Variants in SV2B observed in about 807,000 individuals in gnomAD.
SV2B encodes the protein synaptic vesicle glycoprotein 2B, also known as solute carrier family 22 member B2.
SV2B carries 41 observed loss-of-function variants against 73.9 expected under a neutral mutation model. The ratio of observed to expected loss-of-function variants is 0.56; its 90% CI spans 0.43 to 0.72. SV2B has a LOEUF of 0.72. Ranked by LOEUF, SV2B falls within the 30% of genes least tolerant of loss-of-function variation. The pLI is 0.00. For missense variants in SV2B, 764 were observed against 857.8 expected (o/e 0.89, Z 1.37); for synonymous variants, 314 against 314.2 (o/e 1.00, Z 0.01).
intron 1 of SV2B, among the ~76,000 whole-genome samples, chr15:91,165,909 C>T (rs1460846039): frequency 6.6e-6 from 1 of 152,168 alleles, no homozygotes. Context: ...CTGCTGAAAA[C>T]AAATTCTCTT....
chr15:91,232,405 A>G lies in SV2B; in HGVS notation c.451+5691A>G, dbSNP rs2046612286. On this transcript the variant is annotated intron_variant, in intron 2 of 12. Transcript: ENST00000394232. The surrounding 1 kb of genome is among the most constrained non-coding windows in gnomAD (Gnocchi z 4.7). The stretch of plus-strand genomic sequence containing the variant: ...AATGAAGGGCTCCCTTAGCAGACGT[A>G]CACGGATTGCTGTGTTTAGGAGTGT... Among the ~76,000 whole-genome samples, 1 of 152,234 alleles carries G rather than the reference A, an allele frequency of 6.6e-6. No homozygotes were observed.
Position 91,296,827 on chromosome 15 carries a change from T to TCACACTCCTTCTGCCCGATCTTGGGCG in SV2B, c.*4278_*4279insACTCCTTCTGCCCGATCTTGGGCGCAC, listed in dbSNP as rs2049257704. The TCACACTCCTTCTGCCCGATCTTGGGCG allele has an allele frequency of 1.8e-5, 2 of 110,914 alleles. No individual in the cohort carries two copies. Among genetic ancestry groups the TCACACTCCTTCTGCCCGATCTTGGGCG allele is most frequent in the African/African-American group, 7.5e-5 (2 of 26,820 alleles). 6.9% of individuals were successfully genotyped at this position (110,914 alleles called of 1,614,324 possible). ...CGCTCCTTCTGCCCGATCGCTGGGCTCACGCTCCTTCTGCCCGATCTTGGG... is the reference window on the plus strand; with the variant it reads ...CGCTCCTTCTGCCCGATCGCTGGGCTCACACTCCTTCTGCCCGATCTTGGGCGCACGCTCCTTCTGCCCGATCTTGGG... On this transcript the variant is annotated 3_prime_UTR_variant, in exon 13 of 13. Transcript: ENST00000394232.
intron 1 of SV2B, among the ~76,000 whole-genome samples, chr15:91,211,417 G>A (rs2045855138): frequency 6.6e-6 from 1 of 151,902 alleles, no homozygotes. Flanking sequence ...TTGGCTTAGT[G>A]GCTTAAACTC....
intron 2 of SV2B, among the ~76,000 whole-genome samples, chr15:91,238,448 A>G (rs2046875139): frequency 6.6e-6 from 1 of 152,228 alleles, no homozygotes; most frequent in East Asian, 1.9e-4. Context: ...TCTGACTTCA[A>G]AGTCTGTTGC....
In SV2B at chr15:91,268,103, A is replaced by G. The variant is rs1400496735; in HGVS notation, c.1209-338A>G. The stretch of plus-strand genomic sequence containing the variant: ...CAGGTGTGAGCCACCACATCCAGCC[A>G]GTGGGGATGTCTTTAGTGTTTCCCT... On this transcript the variant is annotated intron_variant, in intron 8 of 12. Transcript: ENST00000394232. The surrounding 1 kb of genome is among the most constrained non-coding windows in gnomAD (Gnocchi z 4.4). 6.6e-6 allele frequency among the ~76,000 whole-genome samples: 1 copy of G among 152,214 alleles called. No individual in the cohort carries two copies. Among genetic ancestry groups the G allele is most frequent in the Non-Finnish European group, 1.5e-5 (1 of 68,038 alleles).
intron 2 of SV2B, among the ~76,000 whole-genome samples, chr15:91,228,244 T>A (rs2046449036): frequency 6.6e-6 from 1 of 152,106 alleles, no homozygotes; most frequent in African/African-American, 2.4e-5. Flanking sequence ...ACAGAGTATA[T>A]GCAAACAGAA....
chr15:91,165,331 C>A (rs771501475), intron 1 of SV2B, among the ~76,000 whole-genome samples: 1 of 150,840 alleles, frequency 6.6e-6, no homozygotes. Context: ...GACTCTGTCT[C>A]AAAAAAAAAT....
chr15:91,164,554 C>A (rs1401208272), intron 1 of SV2B, among the ~76,000 whole-genome samples: 1 of 152,088 alleles, frequency 6.6e-6, no homozygotes, highest in East Asian at 1.9e-4. Flanking sequence ...TTATTTGGGA[C>A]CTTAACTATA....
Position 91,288,500 on chromosome 15 carries a change from A to G in SV2B, c.1709-1021A>G, listed in dbSNP as rs1217519134. On this transcript the variant is annotated intron_variant, in intron 11 of 12. Coordinates refer to ENST00000394232, the MANE Select transcript of SV2B (RefSeq NM_001323032.3). This position sits in a 1 kb window ranked among gnomAD's most constrained non-coding sequence, Gnocchi z 5.8. Reference sequence around the variant, plus strand: ...GCTGTGTAGTAGATCTCGAAAAGTGAGATGATGCAGATGTTTCTGTGCCTG... The same window carrying G: ...GCTGTGTAGTAGATCTCGAAAAGTGGGATGATGCAGATGTTTCTGTGCCTG... 6.6e-6 allele frequency among the ~76,000 whole-genome samples: 1 copy of G among 151,290 alleles called. No individual in the cohort carries two copies. Among genetic ancestry groups the G allele is most frequent in the Non-Finnish European group, 1.5e-5 (1 of 67,748 alleles).
intron 1 of SV2B, among the ~76,000 whole-genome samples, chr15:91,182,990 C>G (rs537816525): frequency 1.2e-4 from 18 of 152,296 alleles, no homozygotes; most frequent in African/African-American, 4.3e-4. Flanking sequence ...GTGCCAGGAG[C>G]CAAGACAGGG....
chr15:91,122,932 A>G lies in SV2B; in HGVS notation c.-392+22569A>G, dbSNP rs1200292780. ...CAGGATTAATAAATTCAAGAGGTCT[A>G]TTCTACAACCTGGTAGCTATAGTTA... On this transcript the variant is annotated intron_variant, in intron 1 of 12. Transcript: ENST00000394232. This position sits in a 1 kb window ranked among gnomAD's most constrained non-coding sequence, Gnocchi z 4.3. Among the ~76,000 whole-genome samples the G allele has an allele frequency of 6.6e-6, 1 of 152,224 alleles. No homozygotes were observed. Among genetic ancestry groups the G allele is most frequent in the East Asian group, 1.9e-4 (1 of 5,194 alleles).
At chr15:91,191,015 A>G (rs1023717641) in intron 1 of SV2B, among the ~76,000 whole-genome samples, 2 of 121,302 alleles carry the variant, frequency 1.6e-5, no homozygotes, top group African/African-American at 6.1e-5. Flanking sequence ...CTTAAATTCT[A>G]TTTAGTCTGA....
Position 91,239,564 on chromosome 15 carries a change from G to T in SV2B, c.452-12255G>T, listed in dbSNP as rs567286190. On this transcript the variant is annotated intron_variant, in intron 2 of 12. Coordinates refer to ENST00000394232, the MANE Select transcript of SV2B (RefSeq NM_001323032.3). The surrounding 1 kb of genome is among the most constrained non-coding windows in gnomAD (Gnocchi z 5.1). ...CATATACTCTCAGACCAGAATCTGG[G>T]ACTCCTGACTATTGGCACAGAATTC... Among the ~76,000 whole-genome samples, 4 of 152,014 alleles carry T rather than the reference G, an allele frequency of 2.6e-5. No homozygotes were observed. The East Asian group carries it at 7.7e-4, about 29-fold the overall frequency.
intron 6 of SV2B, among the ~76,000 whole-genome samples, chr15:91,263,712 A>T (rs2141667782): frequency 6.6e-6 from 1 of 152,272 alleles, no homozygotes; most frequent in African/African-American, 2.4e-5. Flanking sequence ...TAAGACAGAC[A>T]CACAGACACA....
chr15:91,188,778 A>G (rs770747544), intron 1 of SV2B, among the ~76,000 whole-genome samples: 10 of 152,110 alleles, frequency 6.6e-5, no homozygotes, highest in Non-Finnish European at 1.5e-4. Flanking sequence ...AGCTTCTAAT[A>G]CTAAGTTCTT....
Position 91,234,419 on chromosome 15 carries a change from C to G in SV2B, c.451+7705C>G, listed in dbSNP as rs1392413933. On this transcript the variant is annotated intron_variant, in intron 2 of 12. Coordinates refer to ENST00000394232, the MANE Select transcript of SV2B (RefSeq NM_001323032.3). This position sits in a 1 kb window ranked among gnomAD's most constrained non-coding sequence, Gnocchi z 5.6. Reference sequence around the variant, plus strand: ...ATAATTGGATCCCAGGGTGCAAGGGCCAAGTGGTGGCACTCAGTCACCAAA... The same window carrying G: ...ATAATTGGATCCCAGGGTGCAAGGGGCAAGTGGTGGCACTCAGTCACCAAA... 6.6e-6 allele frequency among the ~76,000 whole-genome samples: 1 copy of G among 152,072 alleles called. No individual in the cohort carries two copies. The highest frequency in any genetic ancestry group is 2.4e-5 in the African/African-American group (1 of 41,402).
At chr15:91,181,664 C>T (rs2141318028) in intron 1 of SV2B, among the ~76,000 whole-genome samples, 1 of 151,944 alleles carries the variant, frequency 6.6e-6, no homozygotes, top group South Asian at 2.1e-4. Context: ...AATAATGACT[C>T]ACTCAATTAA....
rs532557757 is a variant in SV2B, at chr15:91,283,796, C to G, written c.1508-225C>G. On this transcript the variant is annotated intron_variant, in intron 10 of 12. Coordinates refer to ENST00000394232, the MANE Select transcript of SV2B (RefSeq NM_001323032.3). The surrounding 1 kb of genome is among the most constrained non-coding windows in gnomAD (Gnocchi z 4.3). ...AGTCTCTCAATGTTAGTTTAATTTC[C>G]CCTTGCTTTTAGGAACTTGAACAGG... 2.0e-5 allele frequency among the ~76,000 whole-genome samples: 3 copies of G among 151,932 alleles called. No homozygotes were observed. The East Asian group carries it at 5.8e-4, about 29-fold the overall frequency.
At chr15:91,201,244 C>T (rs1327658003) in intron 1 of SV2B, among the ~76,000 whole-genome samples, 1 of 152,200 alleles carries the variant, frequency 6.6e-6, no homozygotes, top group African/African-American at 2.4e-5. Flanking sequence ...TACAAATCCT[C>T]AAGTGTTACA....
Sources: gnomAD v4.1 joint callset for allele counts (sites outside exome capture counted in the v4.1 genomes callset) on GRCh38, gnomAD v4.1.1 for gene constraint, Gnocchi (gnomAD v3.1) non-coding constraint, MANE v1.5 for transcripts, NCBI Gene and HGNC (gene_info 2026-07-23, HGNC 2026-07-21) for gene names.